The following SPTB variants were observed in gnomAD, a reference collection of about 807,000 sequenced individuals.
The protein encoded by SPTB is spectrin beta, erythrocytic.
In SPTB, 45 loss-of-function variants were observed where a neutral mutation model predicts 256.2. That is an observed-to-expected ratio of 0.18 (90% CI 0.14 to 0.23). The LOEUF is 0.23. Ranked by LOEUF, SPTB falls within the 10% of genes least tolerant of loss-of-function variation. The probability of loss-of-function intolerance (pLI) is 1.00; values close to 1 mark genes in which losing one functional copy is unlikely to be tolerated. For missense variants in SPTB, 2,715 were observed against 3,040.4 expected (o/e 0.89, Z 2.52); for synonymous variants, 1,231 against 1,243.1 (o/e 0.99, Z 0.21).
chr14:64,830,755 G>T (rs1045090423), intron 1 of SPTB, among the ~76,000 whole-genome samples: 1 of 152,014 alleles, frequency 6.6e-6, no homozygotes, highest in Non-Finnish European at 1.5e-5. Flanking sequence ...TAAGCTTTCA[G>T]CAGTACAGTC....
At chr14:64,839,775 C>A (rs1009268446) in intron 1 of SPTB, among the ~76,000 whole-genome samples, 2 of 152,156 alleles carry the variant, frequency 1.3e-5, no homozygotes, top group Admixed American at 6.5e-5. Context: ...TTTATGAATT[C>A]TTTCCTGAGG....
Position 64,795,367 on chromosome 14 carries a change from C to T in SPTB, c.1614G>A (p.Leu538=). 6.2e-7 allele frequency: 1 copy of T among 1,612,692 alleles called. No homozygotes were observed. The highest frequency in any genetic ancestry group is 8.5e-7 in the Non-Finnish European group (1 of 1,180,022). Residue 538 remains leucine (L), a synonymous_variant, in exon 12 of 36, where the codon CTG becomes CTA. Transcript: ENST00000644917. This position sits in a 1 kb window ranked among gnomAD's most constrained non-coding sequence, Gnocchi z 6.5. ...LALQKLFQDM[L]HSIDWMDEIK... is the part of the protein sequence containing the mutation. ...TCTCATCCATCCAGTCGATGCTGTGCAGCATGTCCTGGAAGAGCTTCTGCA... is the reference window on the plus strand; with the variant it reads ...TCTCATCCATCCAGTCGATGCTGTGTAGCATGTCCTGGAAGAGCTTCTGCA...
In SPTB at chr14:64,792,084, C is replaced by A. The variant is rs1016776034; in HGVS notation, c.2667-228G>T. Among the ~76,000 whole-genome samples, 8 of 152,092 alleles carry A rather than the reference C, an allele frequency of 5.3e-5. No homozygotes were observed. The highest frequency in any genetic ancestry group is 4.6e-4 in the Admixed American group (7 of 15,266). Reference sequence around the variant, plus strand: ...TTGCCTGGAACAGGCCGGGAGAGAGCCAGTTACTTCCTACACGGGCTTCTG... The same window carrying A: ...TTGCCTGGAACAGGCCGGGAGAGAGACAGTTACTTCCTACACGGGCTTCTG... On this transcript the variant is annotated intron_variant, in intron 14 of 35. Coordinates refer to ENST00000644917, the MANE Select transcript of SPTB (RefSeq NM_001355436.2). The surrounding 1 kb of genome is among the most constrained non-coding windows in gnomAD (Gnocchi z 4.2).
Position 64,833,125 on chromosome 14 carries a change from C to T in SPTB, c.-51-9980G>A, listed in dbSNP as rs566916522. The stretch of plus-strand genomic sequence containing the variant: ...AATACTACATCTAGCCATAGGAACT[C>T]CATTCAGGTCCCCGGCTCTCTCTGG... On this transcript the variant is annotated intron_variant, in intron 1 of 35. Coordinates refer to ENST00000644917, the MANE Select transcript of SPTB (RefSeq NM_001355436.2). 8.5e-5 allele frequency among the ~76,000 whole-genome samples: 13 copies of T among 152,308 alleles called. No individual in the cohort carries two copies. The South Asian group carries it at 2.5e-3, about 29-fold the overall frequency.
At chr14:64,818,695 A>G (rs2083235526) in intron 2 of SPTB, among the ~76,000 whole-genome samples, 1 of 152,058 alleles carries the variant, frequency 6.6e-6, no homozygotes, top group African/African-American at 2.4e-5. Flanking sequence ...CTTCATCCAG[A>G]CGGCCACAAA....
chr14:64,785,818 T>A lies in SPTB; in HGVS notation c.3695A>T (p.Asn1232Ile). 6.2e-7 allele frequency: 1 copy of A among 1,614,094 alleles called. No homozygotes were observed. The highest frequency in any genetic ancestry group is 8.5e-7 in the Non-Finnish European group (1 of 1,180,014). ...DKVLSPVDSG[N>I]KLVAEGNLYS... ...TAGGTTTCCCTCAGCTACCAGCTTG[T>A]TTCCAGAGTCCACAGGACTCAAGAC... The change falls in exon 17 of 36, where the codon AAC becomes ATC. Residue 1232 changes from asparagine to isoleucine, a missense_variant. Around this residue, in one of 4 missense-constraint regions of SPTB, gnomAD observed 2,239 missense variants for 2,384.4 expected, o/e 0.94. Coordinates refer to ENST00000644917, the MANE Select transcript of SPTB (RefSeq NM_001355436.2). The surrounding 1 kb of genome is among the most constrained non-coding windows in gnomAD (Gnocchi z 4.4).
rs562064492 is a variant in SPTB, at chr14:64,805,644, C to G, written c.149-554G>C. Among the ~76,000 whole-genome samples the G allele has an allele frequency of 2.7e-4, 41 of 152,338 alleles. No homozygotes were observed. The Middle Eastern group carries it at 0.01, about 38-fold the overall frequency. ...CCAGGGAAATCTGTCTTGGTCACTT[C>G]TCTGTCTCCAGGGCCTGGAGCCTGG... is the stretch of plus-strand genomic sequence containing the variant. On this transcript the variant is annotated intron_variant, in intron 2 of 35. Coordinates refer to ENST00000644917, the MANE Select transcript of SPTB (RefSeq NM_001355436.2).
chr14:64,819,226 C>T (rs1159300275), intron 2 of SPTB, among the ~76,000 whole-genome samples: 4 of 152,150 alleles, frequency 2.6e-5, no homozygotes, highest in Non-Finnish European at 5.9e-5. Flanking sequence ...TTTTTATGTA[C>T]TAGGACAGAT....
intron 25 of SPTB, 39 bp downstream of exon 25, chr14:64,773,181 T>C (rs1430042359): frequency 6.2e-7 from 1 of 1,612,890 alleles, no homozygotes; most frequent in African/African-American, 1.3e-5. Context: ...TCTACCGCAT[T>C]AGAGAAAGAC....
chr14:64,780,027 C>T lies in SPTB; in HGVS notation c.4267-96G>A, dbSNP rs1163952276. 6.6e-5 allele frequency: 72 copies of T among 1,084,276 alleles called. No homozygotes were observed. The East Asian group carries it at 1.5e-3, about 22-fold the overall frequency. 67.2% of individuals were successfully genotyped at this position (1,084,276 alleles called of 1,614,324 possible). ...CTGCATCCCACCCATCCTTTAAGGC[C>T]CAATTTGAGCTCAACTTCCTCCAAG... On this transcript the variant is annotated intron_variant, in intron 20 of 35. Transcript: ENST00000644917.
Position 64,751,927 on chromosome 14 carries a change from CAAAAAAAA to C in SPTB, c.6602+1602_6602+1609del, listed in dbSNP as rs374561563. On this transcript the variant is annotated intron_variant, in intron 33 of 35. Transcript: ENST00000644917. ...TGAAACCCCATTTCTACTAAAAATGCAAAAAAAAAAAAAAAAATTAGCCAGGCGTGGTG... is the reference window on the plus strand; with the variant it reads ...TGAAACCCCATTTCTACTAAAAATGCAAAAAAAAATTAGCCAGGCGTGGTG... Among the ~76,000 whole-genome samples, 25 of 71,940 alleles carry C rather than the reference CAAAAAAAA, an allele frequency of 3.5e-4. 2 individuals carry two copies. Among genetic ancestry groups the C allele is most frequent in the Non-Finnish European group, 5.8e-4 (20 of 34,218 alleles). The allele number at this position is 71,940 out of a possible 152,430, so 47.2% of individuals were successfully genotyped here. A position where few individuals can be genotyped will look rare whatever the true frequency, so the allele number is the denominator to read the frequency against.
intron 22 of SPTB, among the ~76,000 whole-genome samples, chr14:64,776,569 T>G (rs749771295): frequency 2.6e-5 from 4 of 152,136 alleles, no homozygotes; most frequent in Non-Finnish European, 5.9e-5. Flanking sequence ...GCCTCCCAAG[T>G]AGCTTGGACT....
Position 64,766,151 on chromosome 14 carries a change from GGT to G in SPTB, c.6345+573_6345+574del, listed in dbSNP as rs550764836. On this transcript the variant is annotated intron_variant, in intron 32 of 35. Coordinates refer to ENST00000644917, the MANE Select transcript of SPTB (RefSeq NM_001355436.2). ...GGTGTGGGTGCATGTGGGTGGGTGT[GGT>G]GTGTTTGTGTGTATGTGTATGTGTG... 8.0e-5 allele frequency among the ~76,000 whole-genome samples: 12 copies of G among 149,970 alleles called. No homozygotes were observed. In the South Asian group the frequency reaches 1.1e-3, roughly 13 times the overall value.
intron 1 of SPTB, among the ~76,000 whole-genome samples, chr14:64,840,476 C>T (rs1018891416): frequency 2.6e-5 from 4 of 152,172 alleles, no homozygotes; most frequent in Admixed American, 6.5e-5. Flanking sequence ...CAAGGACTGC[C>T]GCAAATGCAT....
Position 64,773,238 on chromosome 14 carries a change from T to C in SPTB, c.5160A>G (p.Gln1720=), listed in dbSNP as rs1338048451. The C allele has an allele frequency of 6.2e-7, 1 of 1,614,220 alleles. No individual in the cohort carries two copies. Among genetic ancestry groups the C allele is most frequent in the East Asian group, 2.2e-5 (1 of 44,886 alleles). ...ELVASSPEMG[Q]DFDHVTLLRD... is the part of the protein sequence containing the mutation. ...TACTCACAGTCACGTGGTCAAAGTCTTGCCCCATTTCCGGGGAAGAGGCCA... is the reference window on the plus strand; with the variant it reads ...TACTCACAGTCACGTGGTCAAAGTCCTGCCCCATTTCCGGGGAAGAGGCCA... Residue 1720 remains glutamine, a synonymous_variant, in exon 25 of 36, where the codon CAA becomes CAG. Coordinates refer to ENST00000644917, the MANE Select transcript of SPTB (RefSeq NM_001355436.2).
In SPTB at chr14:64,779,806, C is replaced by T; in HGVS notation, c.4392G>A (p.Leu1464=). ...LSIEKRFLDL[L]EPLGRRKKQL... ...GCTTCTTCCTCCTTCCTAGGGGTTCCAGGAGGTCCAGGAACCGCTTCTCGA... is the reference window on the plus strand; with the variant it reads ...GCTTCTTCCTCCTTCCTAGGGGTTCTAGGAGGTCCAGGAACCGCTTCTCGA... Residue 1464 remains leucine (L), a synonymous_variant, in exon 21 of 36, where the codon CTG becomes CTA. Transcript: ENST00000644917. This position sits in a 1 kb window ranked among gnomAD's most constrained non-coding sequence, Gnocchi z 4.2. 5 of 1,614,104 alleles carry T rather than the reference C, an allele frequency of 3.1e-6. No individual in the cohort carries two copies. Among genetic ancestry groups the T allele is most frequent in the Non-Finnish European group, 4.2e-6 (5 of 1,180,016 alleles).
intron 9 of SPTB, 116 bp downstream of exon 9, chr14:64,799,631 A>G: frequency 8.2e-7 from 1 of 1,225,890 alleles, no homozygotes; most frequent in Non-Finnish European, 1.2e-6. Context: ...ACAGCTCTCT[A>G]ATCTTGAGGG....
chr14:64,795,384 G>C lies in SPTB; in HGVS notation c.1597C>G (p.Leu533Val). Residue 533 changes from leucine to valine, a missense_variant, in exon 12 of 36, where the codon CTC (leucine) becomes GTC (valine). Around this residue, in one of 4 missense-constraint regions of SPTB, gnomAD observed 2,239 missense variants for 2,384.4 expected, o/e 0.94. Transcript: ENST00000644917. This position sits in a 1 kb window ranked among gnomAD's most constrained non-coding sequence, Gnocchi z 6.5. ...ATGCTGTGCAGCATGTCCTGGAAGA[G>C]CTTCTGCAGTGCCAGGGTGGTCTCG... ...RLETTLALQK[L>V]FQDMLHSIDW... 1 of 1,613,794 alleles carries C rather than the reference G, an allele frequency of 6.2e-7. No individual in the cohort carries two copies. The highest frequency in any genetic ancestry group is 1.1e-5 in the South Asian group (1 of 91,078).
At chr14:64,843,056 C>A (rs56018235) in intron 1 of SPTB, among the ~76,000 whole-genome samples, 1 of 151,912 alleles carries the variant, frequency 6.6e-6, no homozygotes, top group African/African-American at 2.4e-5. Flanking sequence ...CAGAATGAGA[C>A]CCTGTCTCAA....
Sources: allele counts gnomAD v4.1 joint callset (sites outside exome capture counted in the v4.1 genomes callset), GRCh38; gene constraint gnomAD v4.1.1; regional missense constraint gnomAD v4.1.1; non-coding constraint Gnocchi (gnomAD v3.1); transcripts MANE v1.5; gene names NCBI Gene and HGNC (gene_info 2026-07-23, HGNC 2026-07-21).